The following MIPOL1 variants were observed in gnomAD, a reference collection of about 807,000 sequenced individuals.
The protein encoded by MIPOL1 is mirror-image polydactyly 1.
MIPOL1 carries 57 observed loss-of-function variants against 60.9 expected under a neutral mutation model. That is an observed-to-expected ratio of 0.94 (90% CI 0.76 to 1.17). The LOEUF is 1.17. MIPOL1 is among the 50% of genes most tolerant of loss of function. The pLI, the probability that MIPOL1 is intolerant of heterozygous loss-of-function variation, is 0.00. For synonymous variants in MIPOL1, 179 were observed against 168.8 expected, an observed-to-expected ratio of 1.06 and a Z score of -0.47; for missense variants, 551 against 511.6, an observed-to-expected ratio of 1.08 and a Z score of -0.74.
At chr14:37,294,825 T>G (rs2153421492) in intron 7 of MIPOL1, among the ~76,000 whole-genome samples, 1 of 152,104 alleles carries the variant, frequency 6.6e-6, no homozygotes, top group East Asian at 1.9e-4. Context: ...AATCTACATC[T>G]AATTGGTGTA....
chr14:37,502,028 T>A (rs532264071), intron 12 of MIPOL1: 2 of 152,450 alleles, frequency 1.3e-5, no homozygotes, highest in East Asian at 3.9e-4. Context: ...CCTGTGAGGC[T>A]GCAGCCTGGC....
Position 37,259,613 on chromosome 14 carries a change from A to G in MIPOL1, c.20-7325A>G, listed in dbSNP as rs752156708. On this transcript the variant is annotated intron_variant, in intron 3 of 12. Coordinates refer to ENST00000684589, the MANE Select transcript of MIPOL1 (RefSeq NM_001388067.1). ...AAGAAATCACTGTCTGTGCTTTCCA[A>G]TGTGGTAGCTATGGGCACCATGTGG... Among the ~76,000 whole-genome samples, 4 of 152,022 alleles carry G rather than the reference A, an allele frequency of 2.6e-5. 1 individual carries two copies. The highest frequency in any genetic ancestry group is 5.9e-5 in the Non-Finnish European group (4 of 67,962).
chr14:37,284,896 CAT>C (rs2084420553), intron 6 of MIPOL1, among the ~76,000 whole-genome samples: 1 of 152,286 alleles, frequency 6.6e-6, no homozygotes, highest in South Asian at 2.1e-4. Flanking sequence ...TATTTTTATA[CAT>C]GTTTACATTT....
At chr14:37,468,750 T>C (rs1287071244) in intron 11 of MIPOL1, among the ~76,000 whole-genome samples, 1 of 152,130 alleles carries the variant, frequency 6.6e-6, no homozygotes, top group Non-Finnish European at 1.5e-5. Context: ...CTGAGTACTA[T>C]GGGAGAACAT....
chr14:37,495,527 T>G (rs2095111888), intron 11 of MIPOL1, among the ~76,000 whole-genome samples: 1 of 149,606 alleles, frequency 6.7e-6, no homozygotes, highest in Admixed American at 6.7e-5. Flanking sequence ...ATCCAGTCTA[T>G]CATTGTTGGA....
chr14:37,503,639 C>T (rs988766668), intron 12 of MIPOL1: 1 of 152,198 alleles, frequency 6.6e-6, no homozygotes, highest in Non-Finnish European at 1.5e-5. Context: ...TGGAACAAGC[C>T]ACTGCAAAAA....
At chr14:37,521,896 AT>A (rs2095415744) in intron 12 of MIPOL1, among the ~76,000 whole-genome samples, 1 of 33,748 alleles carries the variant, frequency 3.0e-5, no homozygotes, top group Admixed American at 4.0e-4. Flanking sequence ...AAAAAAAAAT[AT>A]ATATATATAT....
chr14:37,237,901 T>G (rs1047663429), intron 1 of MIPOL1, among the ~76,000 whole-genome samples: 2 of 152,188 alleles, frequency 1.3e-5, no homozygotes, highest in Non-Finnish European at 2.9e-5. Context: ...CTGACTGTTA[T>G]GGTTTGTTTT....
chr14:37,505,474 C>T (rs2095266853), intron 12 of MIPOL1: 1 of 152,132 alleles, frequency 6.6e-6, no homozygotes, highest in Non-Finnish European at 1.5e-5. Context: ...AAACGTAATC[C>T]ATCACATAAA....
At chr14:37,254,626 A>G (rs1974627629) in intron 3 of MIPOL1, among the ~76,000 whole-genome samples, 1 of 151,714 alleles carries the variant, frequency 6.6e-6, no homozygotes, top group Admixed American at 6.6e-5. Flanking sequence ...CTAATCCATA[A>G]ATTCTTAGTA....
rs1347514216 is a variant in MIPOL1 at position 37,548,966 on chromosome 14, A to G, written c.*1995A>G. On this transcript the variant is annotated 3_prime_UTR_variant, in exon 13 of 13. Transcript: ENST00000684589. ...ATTGTTCAGTATAGGTAATCTCCCA[A>G]AAATATCACATCCTCTTGAAAATGA... 6.6e-6 allele frequency: 1 copy of G among 151,992 alleles called. No homozygotes were observed. Among genetic ancestry groups the G allele is most frequent in the African/African-American group, 2.4e-5 (1 of 41,452 alleles). 9.4% of individuals were successfully genotyped at this position (151,992 alleles called of 1,614,324 possible). A position where few individuals can be genotyped will look rare whatever the true frequency, so the allele number is the denominator to read the frequency against.
intron 10 of MIPOL1, among the ~76,000 whole-genome samples, chr14:37,420,985 G>A (rs530610571): frequency 6.6e-6 from 1 of 152,052 alleles, no homozygotes; most frequent in Non-Finnish European, 1.5e-5. Context: ...AATCACTAGG[G>A]CCTAGGAAAA....
At chr14:37,322,263 A>G (rs115956136) in intron 9 of MIPOL1, among the ~76,000 whole-genome samples, 2 of 152,134 alleles carry the variant, frequency 1.3e-5, no homozygotes, top group Admixed American at 6.6e-5. Flanking sequence ...AGTGCATACA[A>G]CTGTATAGTT....
At chr14:37,365,039 T>C (rs1171596048) in intron 9 of MIPOL1, among the ~76,000 whole-genome samples, 1 of 152,218 alleles carries the variant, frequency 6.6e-6, no homozygotes, top group Non-Finnish European at 1.5e-5. Context: ...CTACTGATTT[T>C]TGTATGTTGA....
chr14:37,199,436 T>C lies in MIPOL1; in HGVS notation c.-199+1332T>C, dbSNP rs554919339. Among the ~76,000 whole-genome samples the C allele has an allele frequency of 5.3e-5, 8 of 152,352 alleles. No homozygotes were observed. In the South Asian group the frequency reaches 1.7e-3, roughly 32 times the overall value. On this transcript the variant is annotated intron_variant, in intron 1 of 12. Transcript: ENST00000684589. Reference sequence around the variant, plus strand: ...GTAGCAGTTTGTTATTCTCATGCTGTATGTATAGTATTTCTAGTTTTTGGC... The same window carrying C: ...GTAGCAGTTTGTTATTCTCATGCTGCATGTATAGTATTTCTAGTTTTTGGC...
chr14:37,479,580 CA>C (rs1594608883), intron 11 of MIPOL1, among the ~76,000 whole-genome samples: 1 of 151,756 alleles, frequency 6.6e-6, no homozygotes, highest in East Asian at 1.9e-4. Flanking sequence ...ATGCCCATAT[CA>C]AAAAAGAAGA....
intron 10 of MIPOL1, among the ~76,000 whole-genome samples, chr14:37,396,190 A>G (rs1022245334): frequency 1.3e-5 from 2 of 152,008 alleles, no homozygotes; most frequent in Non-Finnish European, 2.9e-5. Context: ...TTCTCTCACC[A>G]TTTGTTTGTC....
chr14:37,366,190 A>C (rs1025689570), intron 9 of MIPOL1, among the ~76,000 whole-genome samples: 1 of 150,312 alleles, frequency 6.7e-6, no homozygotes, highest in East Asian at 2.0e-4. Context: ...TGTTTCTTCT[A>C]CTAATTTTGG....
chr14:37,543,309 T>C (rs112785949), intron 12 of MIPOL1, among the ~76,000 whole-genome samples: 1 of 152,074 alleles, frequency 6.6e-6, no homozygotes, highest in Non-Finnish European at 1.5e-5. Flanking sequence ...AGAGTCTTGG[T>C]CTGTTGCCCA....
Sources: allele counts gnomAD v4.1 joint callset (sites outside exome capture counted in the v4.1 genomes callset), GRCh38; gene constraint gnomAD v4.1.1; transcripts MANE v1.5; gene names NCBI Gene and HGNC (gene_info 2026-07-23, HGNC 2026-07-21).